POLN: variants seen among roughly 807,000 people sequenced by gnomAD.
POLN encodes DNA polymerase N.
A neutral mutation model predicts 113.5 loss-of-function variants in POLN; 108 were observed. That is an observed-to-expected ratio of 0.95 (90% CI 0.81 to 1.12). The LOEUF (loss-of-function observed/expected upper bound fraction) is 1.12. POLN is among the 50% of genes most tolerant of loss of function. POLN has a pLI of 0.00. For synonymous variants in POLN, 386 were observed against 391.5 expected (o/e 0.99, Z 0.17); for missense variants, 1,097 against 1,077.1 (o/e 1.02, Z -0.26).
chr4:2,161,922 T>C (rs1015164938), intron 13 of POLN, among the ~76,000 whole-genome samples: 1 of 152,104 alleles, frequency 6.6e-6, no homozygotes, highest in Non-Finnish European at 1.5e-5. Context: ...AGAACCTTTG[T>C]GTGGACACTC....
intron 16 of POLN, chr4:2,139,830 A>C (rs766471218): frequency 2.0e-5 from 3 of 152,204 alleles, no homozygotes; most frequent in South Asian, 2.1e-4. Flanking sequence ...AATAGCACTT[A>C]TATCATTTAT....
In POLN at chr4:2,198,585, T is replaced by C. The variant is rs960224856; in HGVS notation, c.847A>G (p.Ile283Val). 1.2e-5 allele frequency: 20 copies of C among 1,613,936 alleles called. No homozygotes were observed. The highest frequency in any genetic ancestry group is 3.3e-4 in the Middle Eastern group (2 of 6,062). Residue 283 changes from isoleucine (I) to valine (V), a missense_variant, in exon 6 of 26, where the codon ATT becomes GTT. Coordinates refer to ENST00000511885, the MANE Select transcript of POLN (RefSeq NM_181808.4). ...CAGATAGCAGAGTGCTCTATTTGAA[T>C]GTAGATGCATGGATCATCTGACACA... is the stretch of plus-strand genomic sequence containing the variant. The part of the protein sequence containing the change: ...GFVSDDPCIY[I>V]QIEHSAIWDQ...
intron 2 of POLN, chr4:2,240,410 G>A (rs1560106894): frequency 1.9e-6 from 3 of 1,613,170 alleles, no homozygotes. Context: ...AATGTCTGAA[G>A]AACATCATCA....
intron 7 of POLN, among the ~76,000 whole-genome samples, chr4:2,191,135 A>G (rs759847782): frequency 6.6e-6 from 1 of 152,234 alleles, no homozygotes; most frequent in Non-Finnish European, 1.5e-5. Flanking sequence ...ACAGATAAAT[A>G]AAGAAAATGT....
In POLN at chr4:2,159,135, G is replaced by C; in HGVS notation, c.1611+20C>G. On this transcript the variant is annotated intron_variant, in intron 14 of 25. Coordinates refer to ENST00000511885, the MANE Select transcript of POLN (RefSeq NM_181808.4). ...CCCCTCATCACCTTTTACCTTTTAC[G>C]TACAAAAAAATTAACTTACCTGCCT... 6.4e-7 allele frequency: 1 copy of C among 1,568,420 alleles called. No individual in the cohort carries two copies. The highest frequency in any genetic ancestry group is 8.8e-7 in the Non-Finnish European group (1 of 1,139,406).
chr4:2,197,033 T>A (rs1022665476), intron 6 of POLN, among the ~76,000 whole-genome samples: 2 of 152,036 alleles, frequency 1.3e-5, no homozygotes, highest in African/African-American at 4.8e-5. Flanking sequence ...GGGGCCAGAG[T>A]AAGCAGACCT....
chr4:2,145,310 T>C (rs998877163), intron 16 of POLN, among the ~76,000 whole-genome samples: 15 of 152,078 alleles, frequency 9.9e-5, no homozygotes, highest in Non-Finnish European at 1.9e-4. Flanking sequence ...GACCACAAAT[T>C]TGACAATATT....
chr4:2,075,077 C>T (rs2108686270), intron 24 of POLN, among the ~76,000 whole-genome samples: 1 of 152,334 alleles, frequency 6.6e-6, no homozygotes, highest in East Asian at 1.9e-4. Flanking sequence ...GCTCCGCAGC[C>T]CCCAATCAGC....
chr4:2,121,469 A>G (rs1458951561), intron 19 of POLN, among the ~76,000 whole-genome samples: 1 of 149,726 alleles, frequency 6.7e-6, no homozygotes, highest in Admixed American at 6.6e-5. Flanking sequence ...ATATATATCC[A>G]GGGAAGCCAT....
At chr4:2,240,295 T>C in intron 2 of POLN, 2 of 1,611,498 alleles carry the variant, frequency 1.2e-6, no homozygotes, top group Non-Finnish European at 1.7e-6. Flanking sequence ...TGTTTTTTGG[T>C]ATACAAAGTT....
At chr4:2,123,441 C>T (rs1013276449) in intron 19 of POLN, among the ~76,000 whole-genome samples, 9 of 151,748 alleles carry the variant, frequency 5.9e-5, no homozygotes, top group African/African-American at 1.9e-4. Flanking sequence ...GCCTGGCCAA[C>T]ATAGTGGAAC....
intron 19 of POLN, among the ~76,000 whole-genome samples, chr4:2,103,476 C>G (rs747434134): frequency 6.6e-6 from 1 of 152,128 alleles, no homozygotes; most frequent in Non-Finnish European, 1.5e-5. Flanking sequence ...AAACAGCCAA[C>G]TTTATAAATT....
chr4:2,189,857 C>T lies in POLN; in HGVS notation c.1021+3347G>A, dbSNP rs188241973. 6.0e-3 allele frequency among the ~76,000 whole-genome samples: 914 copies of T among 151,658 alleles called. 25 individuals are homozygous for T. The highest frequency in any genetic ancestry group is 0.053 in the Admixed American group (810 of 15,228). ...CATCCTGGCCAACATGGTGAAACCC[C>T]GTCTCTACTAAAAATACAAAAATTA... On this transcript the variant is annotated intron_variant, in intron 7 of 25. Coordinates refer to ENST00000511885, the MANE Select transcript of POLN (RefSeq NM_181808.4).
At chr4:2,140,366 C>T (rs746509570) in intron 16 of POLN, among the ~76,000 whole-genome samples, 9 of 152,142 alleles carry the variant, frequency 5.9e-5, no homozygotes, top group Non-Finnish European at 1.3e-4. Flanking sequence ...TGTGAGCCAC[C>T]GTGCCTGGCC....
At chr4:2,155,984 G>A (rs1255345526) in intron 16 of POLN, among the ~76,000 whole-genome samples, 1 of 151,882 alleles carries the variant, frequency 6.6e-6, no homozygotes, top group Non-Finnish European at 1.5e-5. Context: ...ACAGGCACCC[G>A]CCACCACGCC....
At chr4:2,114,942 C>G (rs963643537) in intron 19 of POLN, among the ~76,000 whole-genome samples, 2 of 151,052 alleles carry the variant, frequency 1.3e-5, no homozygotes, top group African/African-American at 4.9e-5. Context: ...TTTTTTTTTC[C>G]TTTGTATCTC....
intron 24 of POLN, 114 bp downstream of exon 24, chr4:2,075,338 G>A: frequency 1.8e-6 from 2 of 1,119,450 alleles, no homozygotes; most frequent in Non-Finnish European, 2.6e-6. Context: ...AGGTGGGGCA[G>A]GGGCCATAAA....
At chr4:2,240,497 C>A (rs1277752757) in intron 2 of POLN, 1 of 1,613,894 alleles carries the variant, frequency 6.2e-7, no homozygotes. Context: ...TTCCTTGACT[C>A]TGCTTCAGCT....
At chr4:2,238,944 G>A in intron 2 of POLN, 1 of 1,603,896 alleles carries the variant, frequency 6.2e-7, no homozygotes, top group Non-Finnish European at 8.5e-7. Flanking sequence ...ACCACAGCAG[G>A]TAAACTTCTG....
Sources: gnomAD v4.1 joint callset for allele counts (sites outside exome capture counted in the v4.1 genomes callset) on GRCh38, gnomAD v4.1.1 for gene constraint, MANE v1.5 for transcripts, NCBI Gene and HGNC (gene_info 2026-07-23, HGNC 2026-07-21) for gene names.